The following TSPEAR variants were observed in gnomAD, a reference collection of about 807,000 sequenced individuals.
The protein encoded by TSPEAR is thrombospondin-type laminin G domain and EAR repeat-containing protein.
Under a neutral mutation model 71.6 loss-of-function variants are expected in TSPEAR, and 69 were observed. The observed-to-expected ratio is 0.96, with a 90% CI of 0.79 to 1.18. The LOEUF (loss-of-function observed/expected upper bound fraction) is 1.18, where lower values mean the gene tolerates loss of function less well. Ranked by LOEUF, TSPEAR falls within the 50% of genes most tolerant of loss-of-function variation. The pLI, the probability that TSPEAR is intolerant of heterozygous loss-of-function variation, is 0.00. For missense variants in TSPEAR, 971 were observed against 894.9 expected (o/e 1.09, Z -1.09); for synonymous variants, 402 against 387.2 (o/e 1.04, Z -0.45).
intron 1 of TSPEAR, among the ~76,000 whole-genome samples, chr21:44,604,650 A>G (rs1555929531): frequency 6.6e-6 from 1 of 152,240 alleles, no homozygotes; most frequent in Non-Finnish European, 1.5e-5. Flanking sequence ...AAGAGTGGGC[A>G]TCCTTGCCTT....
chr21:44,637,879 C>T (rs782466662), intron 1 of TSPEAR: 153 of 1,528,594 alleles, frequency 1.0e-4, no homozygotes, highest in Non-Finnish European at 1.2e-4. Flanking sequence ...GCTCTAAGTC[C>T]GTCTGCTATG....
At chr21:44,605,909 G>A (rs1279785837) in intron 1 of TSPEAR, among the ~76,000 whole-genome samples, 2 of 152,030 alleles carry the variant, frequency 1.3e-5, no homozygotes, top group East Asian at 1.9e-4. Flanking sequence ...TCCTTGAATA[G>A]GACCCCAAAA....
intron 1 of TSPEAR, among the ~76,000 whole-genome samples, chr21:44,626,412 G>A (rs142502955): frequency 1.3e-5 from 2 of 152,334 alleles, no homozygotes; most frequent in East Asian, 1.9e-4. Context: ...CAGGGCACAC[G>A]GAGGAGATGG....
At chr21:44,629,389 G>C (rs987421461) in intron 1 of TSPEAR, among the ~76,000 whole-genome samples, 3 of 152,184 alleles carry the variant, frequency 2.0e-5, no homozygotes, top group African/African-American at 7.2e-5. Flanking sequence ...TCTCTCTTGG[G>C]CTTGCAGACA....
chr21:44,666,313 C>T (rs1355106003), intron 1 of TSPEAR: 3 of 1,108,804 alleles, frequency 2.7e-6, no homozygotes, highest in East Asian at 2.4e-5. Flanking sequence ...CATTCTCAAT[C>T]CAGAATTCAG....
chr21:44,673,892 T>C (rs1312741180), intron 1 of TSPEAR, among the ~76,000 whole-genome samples: 1 of 140,646 alleles, frequency 7.1e-6, no homozygotes, highest in East Asian at 2.0e-4. Context: ...AATAAGGAAA[T>C]CAAAAAATTT....
chr21:44,698,042 C>A, intron 1 of TSPEAR: 1 of 1,399,074 alleles, frequency 7.1e-7, no homozygotes, highest in Non-Finnish European at 9.8e-7. Flanking sequence ...CCCTCGGCTG[C>A]TCTGGTGTCT....
chr21:44,645,402 G>A lies in TSPEAR; in HGVS notation c.82+66031C>T, dbSNP rs587658817. ...GACAGAGTCTTGCTCTGTCACCTAG[G>A]CTGGGGTGCAATGGTGCAATCTCAG... is the stretch of plus-strand genomic sequence containing the variant. On this transcript the variant is annotated intron_variant, in intron 1 of 11. Coordinates refer to ENST00000323084, the MANE Select transcript of TSPEAR (RefSeq NM_144991.3). Among the ~76,000 whole-genome samples the A allele has an allele frequency of 1.0e-3, 150 of 150,644 alleles. 1 individual carries two copies. Among genetic ancestry groups the A allele is most frequent in the Non-Finnish European group, 1.8e-3 (121 of 67,804 alleles).
Position 44,509,241 on chromosome 21 carries a change from G to A in TSPEAR, c.1712C>T (p.Thr571Ile). ...CTGGAACTTGACAAAGGCCTGCGCG[G>A]TCACGTTCAGCTCGTAGATGACGGA... ...INSVIYELNV[T>I]AQAFVKFQDI... Residue 571 changes from threonine (T) to isoleucine (I), a missense_variant, in exon 10 of 12, where the codon ACC becomes ATC. Thr to Ile is a moderately conservative substitution (Grantham distance 89, BLOSUM62 -1). Coordinates refer to ENST00000323084, the MANE Select transcript of TSPEAR (RefSeq NM_144991.3). 1.2e-6 allele frequency: 2 copies of A among 1,614,048 alleles called. No homozygotes were observed. The highest frequency in any genetic ancestry group is 2.2e-5 in the South Asian group (2 of 91,076).
intron 1 of TSPEAR, among the ~76,000 whole-genome samples, chr21:44,659,917 T>C (rs1242099115): frequency 2.6e-5 from 4 of 152,198 alleles, no homozygotes; most frequent in African/African-American, 9.7e-5. Flanking sequence ...AGATGGGTAA[T>C]TTCAGCAGAG....
At chr21:44,507,831 C>T (rs868940389) in intron 10 of TSPEAR, among the ~76,000 whole-genome samples, 7 of 152,244 alleles carry the variant, frequency 4.6e-5, no homozygotes, top group Non-Finnish European at 7.3e-5. Flanking sequence ...ACAACTGCCA[C>T]CGCCGCCCCG....
rs587753924 is a variant in TSPEAR at position 44,622,280 on chromosome 21, T to C, written c.83-54275A>G. On this transcript the variant is annotated intron_variant, in intron 1 of 11. Transcript: ENST00000323084. Reference sequence around the variant, plus strand: ...TTTGAGCTTAAACCTCCCATCTCATTTTGGTTTTTGCTTACGCAAGGAATC... The same window carrying C: ...TTTGAGCTTAAACCTCCCATCTCATCTTGGTTTTTGCTTACGCAAGGAATC... Among the ~76,000 whole-genome samples, 15 of 152,078 alleles carry C rather than the reference T, an allele frequency of 9.9e-5. No individual in the cohort carries two copies. The South Asian group carries it at 3.2e-3, about 33-fold the overall frequency.
intron 2 of TSPEAR, among the ~76,000 whole-genome samples, chr21:44,538,638 C>T (rs587747465): frequency 4.2e-4 from 64 of 152,290 alleles, no homozygotes; most frequent in Non-Finnish European, 6.8e-4. Flanking sequence ...CTGGAGGCTG[C>T]AGTGCCCGGA....
intron 1 of TSPEAR, among the ~76,000 whole-genome samples, chr21:44,680,159 G>C (rs902234683): frequency 6.6e-6 from 1 of 152,132 alleles, no homozygotes; most frequent in Non-Finnish European, 1.5e-5. Context: ...CTAATATCCA[G>C]AATATGTAAG....
At chr21:44,529,658 G>A in intron 5 of TSPEAR, 140 bp downstream of exon 5, 2 of 951,426 alleles carry the variant, frequency 2.1e-6, no homozygotes, top group South Asian at 1.6e-5. Context: ...TGGCCAATAT[G>A]ACCGCTGCCC....
chr21:44,697,669 C>T, intron 1 of TSPEAR: 1 of 1,613,330 alleles, frequency 6.2e-7, no homozygotes. Flanking sequence ...TGCCCGTCTG[C>T]TGCAAGCCCA....
chr21:44,625,661 T>G (rs1982723909), intron 1 of TSPEAR, among the ~76,000 whole-genome samples: 1 of 152,236 alleles, frequency 6.6e-6, no homozygotes, highest in South Asian at 2.1e-4. Flanking sequence ...TGGCCTCTCT[T>G]TCCTTGCTCC....
intron 2 of TSPEAR, among the ~76,000 whole-genome samples, chr21:44,557,315 C>T (rs906479458): frequency 2.6e-5 from 4 of 152,110 alleles, no homozygotes; most frequent in East Asian, 1.9e-4. Flanking sequence ...CACAAGGAAA[C>T]GACACCATGA....
intron 4 of TSPEAR, among the ~76,000 whole-genome samples, chr21:44,530,685 A>G (rs1326205636): frequency 6.6e-6 from 1 of 152,220 alleles, no homozygotes; most frequent in Admixed American, 6.5e-5. Context: ...GTCCCCACTC[A>G]CACGTGAGTG....
Sources: gnomAD v4.1 joint callset for allele counts (sites outside exome capture counted in the v4.1 genomes callset) on GRCh38, gnomAD v4.1.1 for gene constraint, MANE v1.5 for transcripts, NCBI Gene and HGNC (gene_info 2026-07-23, HGNC 2026-07-21) for gene names.